Variants in MLLT10 observed in about 807,000 individuals in gnomAD.
MLLT10 encodes protein AF-10.
In MLLT10, 30 loss-of-function variants were observed where a neutral mutation model predicts 129.1. The observed-to-expected ratio is 0.23, with a 90% confidence interval of 0.17 to 0.32. The LOEUF (loss-of-function observed/expected upper bound fraction) is 0.32. Among genes scored for constraint, MLLT10 ranks in the 10% least tolerant of loss-of-function variants. The pLI is 1.00. For missense variants in MLLT10, 1,119 were observed against 1,268.3 expected (o/e 0.88, Z 1.79); for synonymous variants, 490 against 446.4 (o/e 1.10, Z -1.23).
Position 21,564,013 on chromosome 10 carries a change from C to T in MLLT10, c.241-22281C>T, listed in dbSNP as rs528239765. ...ATTTTTAGTAGAGACGGGGTTTCAC[C>T]GTCTTAGCCAGGATGGTCTCGATCT... On this transcript the variant is annotated intron_variant, in intron 3 of 22. Coordinates refer to ENST00000307729, the MANE Select transcript of MLLT10 (RefSeq NM_001195626.3). 7.9e-5 allele frequency among the ~76,000 whole-genome samples: 12 copies of T among 152,158 alleles called. No homozygotes were observed. The East Asian group carries it at 1.9e-3, about 24-fold the overall frequency.
At chr10:21,617,003 G>A in intron 7 of MLLT10, 109 bp from the exon 8 acceptor site, 1 of 396,616 alleles carries the variant, frequency 2.5e-6, no homozygotes, top group Non-Finnish European at 4.3e-6. Flanking sequence ...AAAAATTTCA[G>A]TAGACATTAA....
Position 21,740,147 on chromosome 10 carries a change from C to G in MLLT10, c.3073C>G (p.Leu1025Val). 2 of 1,614,200 alleles carry G rather than the reference C, an allele frequency of 1.2e-6. No individual in the cohort carries two copies. Among genetic ancestry groups the G allele is most frequent in the Non-Finnish European group, 1.7e-6 (2 of 1,180,040 alleles). ...GPTQIPINNLLAGTQAPPLHT... is the reference protein window; with the variant it reads ...GPTQIPINNLVAGTQAPPLHT... ...AACACAAATACCCATAAACAACCTT[C>G]TTGCAGGTACACAGGCACCCCCACT... The change falls in exon 22 of 23, where the codon CTT (leucine) becomes GTT (valine). Residue 1025 changes from leucine to valine, a missense_variant. Transcript: ENST00000307729.
At chr10:21,721,265 A>G (rs1031407644) in intron 14 of MLLT10, among the ~76,000 whole-genome samples, 3 of 152,288 alleles carry the variant, frequency 2.0e-5, no homozygotes, top group South Asian at 4.2e-4. Flanking sequence ...TTTCAGATCT[A>G]TCTCTAGATG....
intron 3 of MLLT10, among the ~76,000 whole-genome samples, chr10:21,585,276 T>A (rs1281269333): frequency 1.3e-5 from 2 of 152,074 alleles, no homozygotes; most frequent in African/African-American, 4.8e-5. Flanking sequence ...AAGTGGGATA[T>A]AAATAATACT....
intron 8 of MLLT10, chr10:21,626,264 A>G: frequency 1.3e-6 from 2 of 1,500,484 alleles, no homozygotes; most frequent in Admixed American, 1.7e-5. Context: ...TCTTTCATCA[A>G]GATCGATACA....
chr10:21,590,089 T>G (rs1311908787), intron 4 of MLLT10, among the ~76,000 whole-genome samples: 3 of 151,992 alleles, frequency 2.0e-5, no homozygotes, highest in African/African-American at 4.8e-5. Flanking sequence ...ACACCATGCC[T>G]GGCTAATATT....
At chr10:21,714,064 A>T in intron 14 of MLLT10, 114 bp downstream of exon 14, 1 of 838,524 alleles carries the variant, frequency 1.2e-6, no homozygotes, top group Non-Finnish European at 1.8e-6. Context: ...TTTATGAAAT[A>T]CCTCAATTTG....
At chr10:21,664,316 G>T (rs1164526348) in intron 9 of MLLT10, among the ~76,000 whole-genome samples, 1 of 144,106 alleles carries the variant, frequency 6.9e-6, no homozygotes, top group African/African-American at 2.5e-5. Flanking sequence ...CTTTTTGTTT[G>T]TTTGTTTTTT....
At chr10:21,653,154 A>C (rs1248915718) in intron 9 of MLLT10, among the ~76,000 whole-genome samples, 2 of 152,244 alleles carry the variant, frequency 1.3e-5, no homozygotes, top group Non-Finnish European at 2.9e-5. Context: ...TGTAGGCCAG[A>C]AGTCTGGGTG....
intron 3 of MLLT10, among the ~76,000 whole-genome samples, chr10:21,542,385 A>G (rs1456152913): frequency 6.6e-6 from 1 of 152,148 alleles, no homozygotes; most frequent in East Asian, 1.9e-4. Context: ...CCTGGCTAAC[A>G]TCTTAAAACC....
At chr10:21,548,639 G>T (rs538915486) in intron 3 of MLLT10, among the ~76,000 whole-genome samples, 1 of 152,140 alleles carries the variant, frequency 6.6e-6, no homozygotes, top group East Asian at 1.9e-4. Context: ...AAAATGCTGG[G>T]ATCACAGGTG....
intron 3 of MLLT10, among the ~76,000 whole-genome samples, chr10:21,545,560 G>A (rs115390452): frequency 0.024 from 3,643 of 152,134 alleles, 149 homozygotes; most frequent in African/African-American, 0.082. Context: ...ATGAGGTTGA[G>A]GAAAGTTTGG....
At chr10:21,688,337 A>T (rs1272791439) in intron 13 of MLLT10, among the ~76,000 whole-genome samples, 1 of 152,114 alleles carries the variant, frequency 6.6e-6, no homozygotes, top group Non-Finnish European at 1.5e-5. Flanking sequence ...GCAATTTTTT[A>T]AATTTACATA....
intron 9 of MLLT10, among the ~76,000 whole-genome samples, chr10:21,661,303 G>C (rs1360061650): frequency 7.2e-5 from 11 of 152,192 alleles, no homozygotes; most frequent in African/African-American, 2.7e-4. Flanking sequence ...GTCTACAGAT[G>C]TCAATTATAT....
At chr10:21,555,718 C>A (rs1001168050) in intron 3 of MLLT10, among the ~76,000 whole-genome samples, 5 of 146,756 alleles carry the variant, frequency 3.4e-5, no homozygotes, top group African/African-American at 1.3e-4. Flanking sequence ...ACTCTTGTTG[C>A]CCAGGCTGGT....
Position 21,734,009 on chromosome 10 carries a change from T to A in MLLT10, c.2738T>A (p.Val913Glu), listed in dbSNP as rs1197615318. ...AACCAACTGGCAATTAATGGCATTG[T>A]AGGAGCTTTAAATGGGGTTATGCAG... ...PGNQLAINGIVGALNGVMQTP... is the reference protein window; with the variant it reads ...PGNQLAINGIEGALNGVMQTP... The change falls in exon 20 of 23, where the codon GTA becomes GAA. Residue 913 changes from valine (V) to glutamate (E), a missense_variant. Around this residue, in one of 5 missense-constraint regions of MLLT10, gnomAD observed 1,004 missense variants for 1,008.7 expected, o/e 1.00. Coordinates refer to ENST00000307729, the MANE Select transcript of MLLT10 (RefSeq NM_001195626.3). 3 of 1,614,218 alleles carry A rather than the reference T, an allele frequency of 1.9e-6. No individual in the cohort carries two copies. The highest frequency in any genetic ancestry group is 2.5e-6 in the Non-Finnish European group (3 of 1,180,028).
chr10:21,629,455 A>C (rs1363401061), intron 8 of MLLT10, among the ~76,000 whole-genome samples: 1 of 152,162 alleles, frequency 6.6e-6, no homozygotes, highest in Non-Finnish European at 1.5e-5. Flanking sequence ...GCACAGGTAC[A>C]AAGATCATTG....
At chr10:21,726,681 C>CTTTTTTTTTTTTTTTTT (rs35036202) in intron 15 of MLLT10, among the ~76,000 whole-genome samples, 6 of 87,586 alleles carry the variant, frequency 6.9e-5, no homozygotes, top group African/African-American at 8.7e-5. Flanking sequence ...TAGCAATGTC[C>CTTTTTTTTTTTTTTTTT]TTTTTTTTTT....
intron 8 of MLLT10, among the ~76,000 whole-genome samples, chr10:21,634,552 C>T (rs1032757639): frequency 6.6e-6 from 1 of 152,200 alleles, no homozygotes; most frequent in Non-Finnish European, 1.5e-5. Flanking sequence ...TTTGAAATTT[C>T]TGTTCCCCAA....
Sources: allele counts gnomAD v4.1 joint callset (sites outside exome capture counted in the v4.1 genomes callset), GRCh38; gene constraint gnomAD v4.1.1; regional missense constraint gnomAD v4.1.1; transcripts MANE v1.5; gene names NCBI Gene and HGNC (gene_info 2026-07-23, HGNC 2026-07-21).